Variants in KLHDC4 observed in about 807,000 individuals in gnomAD.
KLHDC4 encodes the protein kelch domain containing 4, also known as kelch domain-containing protein 4.
Under a neutral mutation model 62.4 loss-of-function variants are expected in KLHDC4, and 90 were observed. The observed-to-expected ratio is 1.44, with a 90% CI of 1.22 to 1.72. KLHDC4 has a LOEUF of 1.72. KLHDC4 is among the 40% of genes most tolerant of loss of function. The probability of loss-of-function intolerance (pLI) is 0.00; values close to 1 mark genes in which losing one functional copy is unlikely to be tolerated. For missense variants in KLHDC4, 1,025 were observed against 699.7 expected (o/e 1.47, Z -5.25); for synonymous variants, 386 against 284.4 (o/e 1.36, Z -3.59).
At chr16:87,720,326 G>C (rs572650633) in intron 7 of KLHDC4, among the ~76,000 whole-genome samples, 2 of 152,262 alleles carry the variant, frequency 1.3e-5, no homozygotes, top group Admixed American at 6.5e-5. Flanking sequence ...ATAGGGTGTC[G>C]GTTCCAAGCG....
Position 87,727,188 on chromosome 16 carries a change from G to T in KLHDC4, c.600-264C>A, listed in dbSNP as rs147257241. Among the ~76,000 whole-genome samples the T allele has an allele frequency of 8.7e-3, 895 of 103,268 alleles. 6 individuals carry two copies. Among genetic ancestry groups the T allele is most frequent in the Non-Finnish European group, 0.015 (712 of 48,100 alleles). 67.7% of individuals were successfully genotyped at this position (103,268 alleles called of 152,430 possible). A position where few individuals can be genotyped will look rare whatever the true frequency, so the allele number is the denominator to read the frequency against. The stretch of plus-strand genomic sequence containing the variant: ...TGGAGACAGGGCAACATTTTCACCT[G>T]TTTAATTCAAGTTTGAATTGATATG... On this transcript the variant is annotated intron_variant, in intron 6 of 11. Transcript: ENST00000270583.
At chr16:87,702,516 T>C (rs561011240) in exon 1 of KLHDC4, 2 of 356,198 alleles carry the variant, frequency 5.6e-6, no homozygotes, top group Non-Finnish European at 1.1e-5. Flanking sequence ...CCCAGGCATG[T>C]CCGTGGCCTC....
intron 2 of KLHDC4, among the ~76,000 whole-genome samples, chr16:87,759,644 G>A (rs1345347566): frequency 2.6e-5 from 4 of 151,812 alleles, no homozygotes; most frequent in African/African-American, 7.3e-5. Flanking sequence ...TACTCCGGAG[G>A]CTGAGGCAGG....
At chr16:87,740,150 T>G (rs924355590) in intron 5 of KLHDC4, among the ~76,000 whole-genome samples, 1 of 151,990 alleles carries the variant, frequency 6.6e-6, no homozygotes, top group Non-Finnish European at 1.5e-5. Context: ...GGCAAGTGCC[T>G]GGAGAAACGC....
rs142554902 is a variant in KLHDC4 at position 87,742,571 on chromosome 16, G to A, written c.506+6102C>T. 4.6e-5 allele frequency among the ~76,000 whole-genome samples: 7 copies of A among 152,284 alleles called. No individual in the cohort carries two copies. In the East Asian group the frequency reaches 1.4e-3, roughly 29 times the overall value. On this transcript the variant is annotated intron_variant, in intron 5 of 11. Coordinates refer to ENST00000270583, the MANE Select transcript of KLHDC4 (RefSeq NM_017566.4). ...TGGACCCCGTCTATGGTCCACAGCT[G>A]TCAGGATAGGGATCGTGGAGAGGGT...
At chr16:87,712,647 G>C (rs778505630) in intron 8 of KLHDC4, among the ~76,000 whole-genome samples, 4 of 152,270 alleles carry the variant, frequency 2.6e-5, no homozygotes, top group Admixed American at 6.5e-5. Context: ...CCAGGGTGCA[G>C]TAAGGCAGGG....
intron 9 of KLHDC4, 185 bp downstream of exon 9, chr16:87,711,050 C>A: frequency 1.6e-6 from 1 of 611,774 alleles, no homozygotes; most frequent in Non-Finnish European, 2.9e-6. Context: ...ACTAAGGGGA[C>A]CGTGACCAAG....
chr16:87,763,823 C>A (rs555433639), intron 1 of KLHDC4, among the ~76,000 whole-genome samples: 1 of 152,108 alleles, frequency 6.6e-6, no homozygotes, highest in African/African-American at 2.4e-5. Context: ...GTCTGGGTGA[C>A]GCCAGTGGCC....
chr16:87,735,380 C>T (rs576617083), intron 5 of KLHDC4, among the ~76,000 whole-genome samples: 141 of 152,248 alleles, frequency 9.3e-4, no homozygotes, highest in African/African-American at 2.2e-3. Context: ...AGAGGAGAAC[C>T]GAGCGCTGCC....
chr16:87,730,985 A>T (rs1597574707), intron 5 of KLHDC4: 1 of 139,728 alleles, frequency 7.2e-6, no homozygotes. Flanking sequence ...AGCAACAGAC[A>T]GAGAAATATC....
chr16:87,746,902 C>G (rs2043121726), intron 5 of KLHDC4, among the ~76,000 whole-genome samples: 3 of 152,230 alleles, frequency 2.0e-5, no homozygotes, highest in African/African-American at 7.2e-5. Context: ...GTCTGTTTAT[C>G]AGACAATCCA....
chr16:87,731,778 T>A (rs2040419132), intron 5 of KLHDC4, among the ~76,000 whole-genome samples: 1 of 152,206 alleles, frequency 6.6e-6, no homozygotes. Context: ...CGCTCTTGTG[T>A]CACCACCAGC....
Position 87,732,339 on chromosome 16 carries a change from G to C in KLHDC4, c.507-1695C>G, listed in dbSNP as rs537355784. Among the ~76,000 whole-genome samples the C allele has an allele frequency of 7.9e-5, 12 of 152,130 alleles. No homozygotes were observed. The East Asian group carries it at 1.9e-3, about 25-fold the overall frequency. On this transcript the variant is annotated intron_variant, in intron 5 of 11. Coordinates refer to ENST00000270583, the MANE Select transcript of KLHDC4 (RefSeq NM_017566.4). Reference sequence around the variant, plus strand: ...TCGAACTCCTGACCTCAGGTGATTTGCCTGCCTCGGCCTCCCAAAGTGCTG... The same window carrying C: ...TCGAACTCCTGACCTCAGGTGATTTCCCTGCCTCGGCCTCCCAAAGTGCTG...
At chr16:87,720,367 C>T (rs1039701237) in intron 7 of KLHDC4, among the ~76,000 whole-genome samples, 11 of 152,170 alleles carry the variant, frequency 7.2e-5, no homozygotes, top group African/African-American at 2.4e-4. Context: ...CCATGGGGGC[C>T]GCTCCTTCCC....
downstream of KLHDC4, among the ~76,000 whole-genome samples, chr16:87,705,448 T>A (rs2034551970): frequency 6.6e-6 from 1 of 152,238 alleles, no homozygotes; most frequent in South Asian, 2.1e-4. Context: ...GTCTATCTGA[T>A]CCCCATTGGT....
chr16:87,698,530 G>A (rs1055211865), exon 1 of KLHDC4: 2 of 152,368 alleles, frequency 1.3e-5, no homozygotes, highest in South Asian at 2.1e-4. Context: ...GCGAAGTTGT[G>A]CAGAGATCTA....
At chr16:87,718,818 G>A (rs1338666753) in intron 7 of KLHDC4, among the ~76,000 whole-genome samples, 8 of 151,150 alleles carry the variant, frequency 5.3e-5, no homozygotes, top group Admixed American at 1.3e-4. Context: ...TGAGATGTGG[G>A]GAGTGCCTCT....
At chr16:87,747,142 C>T (rs920779853) in intron 5 of KLHDC4, among the ~76,000 whole-genome samples, 5 of 152,228 alleles carry the variant, frequency 3.3e-5, no homozygotes, top group Non-Finnish European at 7.3e-5. Flanking sequence ...CGAGAGAGCC[C>T]TCATGTCACA....
intron 2 of KLHDC4, among the ~76,000 whole-genome samples, chr16:87,759,108 G>A (rs895600640): frequency 6.6e-6 from 1 of 152,106 alleles, no homozygotes; most frequent in East Asian, 1.9e-4. Flanking sequence ...GGAGGTGGAG[G>A]TTGCGGTGAG....
Sources: allele counts gnomAD v4.1 joint callset (sites outside exome capture counted in the v4.1 genomes callset), GRCh38; gene constraint gnomAD v4.1.1; transcripts MANE v1.5; gene names NCBI Gene and HGNC (gene_info 2026-07-23, HGNC 2026-07-21).